PPP1R13B: variants seen among roughly 807,000 people sequenced by gnomAD.
PPP1R13B encodes apoptosis-stimulating of p53 protein 1.
PPP1R13B carries 44 observed loss-of-function variants against 119.8 expected under a neutral mutation model. The observed-to-expected ratio is 0.37, with a 90% CI of 0.29 to 0.47. The LOEUF is 0.47. Ranked by LOEUF, PPP1R13B falls within the 20% of genes least tolerant of loss-of-function variation. The pLI is 0.99. For synonymous variants in PPP1R13B, 542 were observed against 561.5 expected (o/e 0.97, Z 0.49); for missense variants, 1,227 against 1,413.5 (o/e 0.87, Z 2.12).
At chr14:103,835,222 A>C (rs564518249) in intron 1 of PPP1R13B, among the ~76,000 whole-genome samples, 1 of 152,248 alleles carries the variant, frequency 6.6e-6, no homozygotes, top group South Asian at 2.1e-4. Context: ...TCCCAGGCTC[A>C]AGCGATCCTC....
chr14:103,760,440 TGTC>T (rs1295663518), intron 4 of PPP1R13B, among the ~76,000 whole-genome samples: 23 of 152,228 alleles, frequency 1.5e-4, no homozygotes, highest in Non-Finnish European at 8.8e-5. Flanking sequence ...ATGGTAGAGT[TGTC>T]GGATGAGTTC....
At chr14:103,820,792 C>T (rs1364412186) in intron 1 of PPP1R13B, among the ~76,000 whole-genome samples, 2 of 151,886 alleles carry the variant, frequency 1.3e-5, no homozygotes, top group Admixed American at 1.3e-4. Context: ...GCCACTGCAC[C>T]CAGCCCTAGT....
chr14:103,770,592 G>A (rs1166198328), intron 4 of PPP1R13B, among the ~76,000 whole-genome samples: 2 of 151,980 alleles, frequency 1.3e-5, no homozygotes, highest in African/African-American at 4.8e-5. Context: ...GAATAATTAG[G>A]GCTAGAAAGA....
chr14:103,790,642 T>A (rs578223601), intron 2 of PPP1R13B, among the ~76,000 whole-genome samples: 1 of 150,266 alleles, frequency 6.7e-6, no homozygotes, highest in Non-Finnish European at 1.5e-5. Flanking sequence ...GCCTGGGAGG[T>A]GGAGGTTGCA....
intron 1 of PPP1R13B, among the ~76,000 whole-genome samples, chr14:103,830,675 A>G (rs1377451540): frequency 6.6e-6 from 1 of 152,206 alleles, no homozygotes; most frequent in Non-Finnish European, 1.5e-5. Context: ...AGCCATCTAT[A>G]ATCCTTAAGG....
At position 103,803,825 on chromosome 14, in the gene PPP1R13B, A is replaced by T. The variant is rs537616545; in HGVS notation, c.10-6307T>A. Among the ~76,000 whole-genome samples, 5 of 152,088 alleles carry T rather than the reference A, an allele frequency of 3.3e-5. No homozygotes were observed. The East Asian group carries it at 5.8e-4, about 18-fold the overall frequency. ...TCTGCCCTGATGAATCACACAACAA[A>T]TCCTGCCCCTTTCTGCTCACTGACA... is the stretch of plus-strand genomic sequence containing the variant. On this transcript the variant is annotated intron_variant, in intron 1 of 16. Transcript: ENST00000202556.
chr14:103,772,319 G>A (rs2085090597), intron 4 of PPP1R13B, among the ~76,000 whole-genome samples: 1 of 152,216 alleles, frequency 6.6e-6, no homozygotes, highest in Non-Finnish European at 1.5e-5. Context: ...GTACAAGTCT[G>A]CACAGACATT....
chr14:103,831,513 G>A (rs2086663475), intron 1 of PPP1R13B, among the ~76,000 whole-genome samples: 1 of 150,014 alleles, frequency 6.7e-6, no homozygotes, highest in Non-Finnish European at 1.5e-5. Context: ...GTTTCCCCAT[G>A]TTGGCCAGGC....
intron 1 of PPP1R13B, among the ~76,000 whole-genome samples, chr14:103,816,834 T>A (rs2086294001): frequency 6.6e-6 from 1 of 152,168 alleles, no homozygotes; most frequent in Non-Finnish European, 1.5e-5. Flanking sequence ...AGAAAAATAA[T>A]GTTCCTGAAG....
intron 8 of PPP1R13B, chr14:103,747,417 G>GGA (rs1475262324): frequency 6.6e-6 from 1 of 152,082 alleles, no homozygotes; most frequent in African/African-American, 2.4e-5. Flanking sequence ...TGTTTGTGAT[G>GGA]GATAACTTTA....
chr14:103,812,309 A>G (rs2086178791), intron 1 of PPP1R13B, among the ~76,000 whole-genome samples: 1 of 151,398 alleles, frequency 6.6e-6, no homozygotes, highest in Non-Finnish European at 1.5e-5. Flanking sequence ...TATTTTTAGT[A>G]GAGATGGGGT....
At chr14:103,768,101 A>C (rs2084977578) in intron 4 of PPP1R13B, among the ~76,000 whole-genome samples, 1 of 146,622 alleles carries the variant, frequency 6.8e-6, no homozygotes, top group South Asian at 2.1e-4. Context: ...CCTCCGTGGT[A>C]GTCACCTGAG....
At chr14:103,778,614 C>G in intron 4 of PPP1R13B, 131 bp downstream of exon 4, 3 of 711,074 alleles carry the variant, frequency 4.2e-6, no homozygotes, top group Non-Finnish European at 7.4e-6. Flanking sequence ...CCATCTTGCT[C>G]CAGCTGATCT....
In PPP1R13B at chr14:103,739,344, T is replaced by C. The variant is rs573457420; in HGVS notation, c.2593-321A>G. ...TGGCGTGTGACTGCCAAGTAGCTGATGGGAGCCAGCAGCTCGTTCCTGCCC... is the reference window on the plus strand; with the variant it reads ...TGGCGTGTGACTGCCAAGTAGCTGACGGGAGCCAGCAGCTCGTTCCTGCCC... On this transcript the variant is annotated intron_variant, in intron 12 of 16. Transcript: ENST00000202556. 48 of 358,648 alleles carry C rather than the reference T, an allele frequency of 1.3e-4. No individual in the cohort carries two copies. The East Asian group carries it at 2.1e-3, about 15-fold the overall frequency. The allele number at this position is 358,648 out of a possible 1,614,324, so 22.2% of individuals were successfully genotyped here. A position where few individuals can be genotyped will look rare whatever the true frequency, so the allele number is the denominator to read the frequency against.
At chr14:103,806,880 C>A (rs2086028905) in intron 1 of PPP1R13B, among the ~76,000 whole-genome samples, 1 of 152,212 alleles carries the variant, frequency 6.6e-6, no homozygotes, top group Non-Finnish European at 1.5e-5. Flanking sequence ...GCCCGAGCCA[C>A]CACCACCTCT....
chr14:103,749,955 C>T (rs1217932098), intron 7 of PPP1R13B, 21 bp from the exon 8 acceptor site: 3 of 1,605,204 alleles, frequency 1.9e-6, no homozygotes, highest in East Asian at 2.2e-5. Context: ...CAAAATACAA[C>T]CTTTATGATT....
chr14:103,829,201 C>T (rs995864974), intron 1 of PPP1R13B, among the ~76,000 whole-genome samples: 2 of 152,150 alleles, frequency 1.3e-5, no homozygotes, highest in African/African-American at 4.8e-5. Context: ...AAATCTAAAT[C>T]CTTTATTTAA....
At chr14:103,827,804 C>T (rs998783110) in intron 1 of PPP1R13B, among the ~76,000 whole-genome samples, 15 of 151,966 alleles carry the variant, frequency 9.9e-5, no homozygotes, top group Non-Finnish European at 2.2e-4. Flanking sequence ...AATCATGGAA[C>T]TTAGCTACTG....
intron 4 of PPP1R13B, 137 bp downstream of exon 4, chr14:103,778,608 C>T: frequency 1.5e-6 from 1 of 686,386 alleles, no homozygotes; most frequent in Non-Finnish European, 2.6e-6. Context: ...GTCTCACCAT[C>T]TTGCTCCAGC....
Sources: gnomAD v4.1 joint callset for allele counts (sites outside exome capture counted in the v4.1 genomes callset) on GRCh38, gnomAD v4.1.1 for gene constraint, MANE v1.5 for transcripts, NCBI Gene and HGNC (gene_info 2026-07-23, HGNC 2026-07-21) for gene names.